Variants in CAPS2 observed in about 807,000 individuals in gnomAD.
CAPS2 encodes calcyphosine 2.
Under a neutral mutation model 86.5 loss-of-function variants are expected in CAPS2, and 98 were observed. That is an observed-to-expected ratio of 1.13 (90% CI 0.96 to 1.34). CAPS2 has a LOEUF of 1.34. Among genes scored for constraint, CAPS2 ranks in the 40% most tolerant of loss-of-function variants. CAPS2 has a pLI of 0.00. For synonymous variants in CAPS2, 210 were observed against 225.1 expected (o/e 0.93, Z 0.60); for missense variants, 729 against 686.8 (o/e 1.06, Z -0.69).
At chr12:75,327,926 T>C (rs139609766), upstream of CAPS2, among the ~76,000 whole-genome samples, 432 of 151,710 alleles carry the variant, frequency 2.8e-3, 3 homozygotes, top group African/African-American at 0.01. Context: ...CCCAATTCCT[T>C]ACTAATTTAT....
At chr12:75,382,808 T>C (rs1378411440) in intron 1 of CAPS2, among the ~76,000 whole-genome samples, 2 of 152,286 alleles carry the variant, frequency 1.3e-5, no homozygotes, top group Middle Eastern at 6.8e-3. Context: ...CTGTTATACA[T>C]GACAACAGAA....
upstream of CAPS2, among the ~76,000 whole-genome samples, chr12:75,332,694 T>G (rs2041416320): frequency 6.6e-6 from 1 of 152,168 alleles, no homozygotes; most frequent in African/African-American, 2.4e-5. Context: ...TCGACCAATT[T>G]TTATTGAGAG....
upstream of CAPS2, among the ~76,000 whole-genome samples, chr12:75,328,911 A>G (rs1305454615): frequency 6.6e-6 from 1 of 152,252 alleles, no homozygotes; most frequent in Non-Finnish European, 1.5e-5. Context: ...CAATGCCGTC[A>G]TACATGGAAC....
At chr12:75,385,438 T>C (rs1241168588) in intron 1 of CAPS2, among the ~76,000 whole-genome samples, 1 of 152,050 alleles carries the variant, frequency 6.6e-6, no homozygotes, top group African/African-American at 2.4e-5. Flanking sequence ...CTAGGAATAG[T>C]AGGAAACTTC....
intron 2 of CAPS2, among the ~76,000 whole-genome samples, chr12:75,323,466 G>A (rs562276934): frequency 3.9e-5 from 6 of 152,140 alleles, no homozygotes; most frequent in Non-Finnish European, 7.4e-5. Context: ...ATACTTGGCC[G>A]GGCGCAGTGG....
At chr12:75,379,417 C>CT (rs760246632) in intron 1 of CAPS2, among the ~76,000 whole-genome samples, 2 of 152,134 alleles carry the variant, frequency 1.3e-5, no homozygotes, top group Non-Finnish European at 2.9e-5. Flanking sequence ...AAGGACATGT[C>CT]TTTTTTATTT....
At chr12:75,277,591 G>A in exon 17 of CAPS2, 1 of 978,868 alleles carries the variant, frequency 1.0e-6, no homozygotes, top group South Asian at 4.7e-5. Flanking sequence ...TCCCTCTCAT[G>A]TTTTAGTATT....
At chr12:75,349,556 AAGAG>A (rs1565974516) in intron 1 of CAPS2, among the ~76,000 whole-genome samples, 2 of 152,354 alleles carry the variant, frequency 1.3e-5, no homozygotes, top group East Asian at 3.9e-4. Flanking sequence ...TTATAATTAA[AAGAG>A]AAAGACATTA....
intron 14 of CAPS2, among the ~76,000 whole-genome samples, chr12:75,287,843 T>A (rs1433953606): frequency 2.0e-5 from 3 of 152,134 alleles, no homozygotes; most frequent in Non-Finnish European, 4.4e-5. Context: ...GATCACAAGT[T>A]CCAGGGACCC....
At chr12:75,289,796 T>G (rs775857438) in intron 13 of CAPS2, 21 bp from the exon 14 acceptor site, 2 of 1,584,742 alleles carry the variant, frequency 1.3e-6, no homozygotes, top group Admixed American at 3.5e-5. Flanking sequence ...AGAAGAGAGA[T>G]GAAAACAAAT....
At position 75,339,661 on chromosome 12, in the gene CAPS2, C is replaced by T. The variant is rs1037230061; in HGVS notation, c.-394-16439G>A. ...ATGTTTTCATCATGAAATATTTGCC[C>T]GTGCCTATGTCCTGAATGGTATTGC... On this transcript the variant is annotated intron_variant, in intron 1 of 5. Transcript: ENST00000551829. 2.6e-5 allele frequency among the ~76,000 whole-genome samples: 4 copies of T among 151,930 alleles called. No individual in the cohort carries two copies. In the East Asian group the frequency reaches 7.7e-4, roughly 29 times the overall value.
chr12:75,276,322 A>C, downstream of CAPS2: 1 of 1,492,860 alleles, frequency 6.7e-7, no homozygotes, highest in East Asian at 2.6e-5. Context: ...TCATAAAAGC[A>C]TGTTACATAA....
intron 5 of CAPS2, among the ~76,000 whole-genome samples, chr12:75,320,589 A>G (rs1261396340): frequency 1.3e-5 from 2 of 152,058 alleles, no homozygotes; most frequent in African/African-American, 4.8e-5. Context: ...TAGTTCCTAC[A>G]TGGATTAAAA....
chr12:75,350,484 A>C (rs1223849730), intron 1 of CAPS2, among the ~76,000 whole-genome samples: 2 of 152,186 alleles, frequency 1.3e-5, no homozygotes, highest in African/African-American at 2.4e-5. Flanking sequence ...CAGAATGCCC[A>C]GTGGAAAGAT....
chr12:75,311,957 A>G (rs1197217778), intron 7 of CAPS2, among the ~76,000 whole-genome samples: 2 of 152,134 alleles, frequency 1.3e-5, no homozygotes, highest in African/African-American at 4.8e-5. Context: ...CAAAGAATTT[A>G]CTGAAAAACA....
At chr12:75,363,044 G>A in intron 1 of CAPS2, 1 of 860,740 alleles carries the variant, frequency 1.2e-6, no homozygotes, top group South Asian at 1.7e-5. Flanking sequence ...ATACATGCAT[G>A]AACAAAATTG....
intron 7 of CAPS2, among the ~76,000 whole-genome samples, chr12:75,309,629 AAGAT>A (rs1336696579): frequency 2.0e-5 from 3 of 152,246 alleles, no homozygotes; most frequent in Non-Finnish European, 4.4e-5. Flanking sequence ...CAACAATTCA[AAGAT>A]AGAAGAACTT....
chr12:75,310,705 C>T (rs2039061295), intron 7 of CAPS2, among the ~76,000 whole-genome samples: 1 of 152,074 alleles, frequency 6.6e-6, no homozygotes, highest in Non-Finnish European at 1.5e-5. Context: ...AGTTATACGA[C>T]TCTGCTAATC....
At chr12:75,317,832 GTGTGTCATTAAGACATTTAAAA>G (rs1296109179) in intron 5 of CAPS2, among the ~76,000 whole-genome samples, 1 of 152,020 alleles carries the variant, frequency 6.6e-6, no homozygotes, top group East Asian at 1.9e-4. Flanking sequence ...ATATGTGTGT[GTGTGTCATTAAGACATTTAAAA>G]TCTGCCTTCT....
Sources: gnomAD v4.1 joint callset for allele counts (sites outside exome capture counted in the v4.1 genomes callset) on GRCh38, gnomAD v4.1.1 for gene constraint, MANE v1.5 for transcripts, NCBI Gene and HGNC (gene_info 2026-07-23, HGNC 2026-07-21) for gene names.